APBA1: variants seen among roughly 807,000 people sequenced by gnomAD.
APBA1 encodes the protein amyloid beta precursor protein binding family A member 1, also known as amyloid-beta A4 precursor protein-binding family A member 1.
APBA1 carries 55 observed loss-of-function variants against 86.6 expected under a neutral mutation model. That is an observed-to-expected ratio of 0.64 (90% CI 0.51 to 0.80). The LOEUF is 0.80. APBA1 is among the 30% of genes least tolerant of loss of function. The pLI is 0.00. For missense variants in APBA1, 1,090 were observed against 1,183.0 expected (o/e 0.92, Z 1.15); for synonymous variants, 511 against 493.9 (o/e 1.03, Z -0.46).
chr9:69,434,564 G>A (rs529336190), intron 11 of APBA1, among the ~76,000 whole-genome samples: 68 of 152,076 alleles, frequency 4.5e-4, no homozygotes, highest in Admixed American at 3.0e-3. Context: ...AAAATTAGCC[G>A]GGCGTGGTGG....
At chr9:69,640,113 T>C (rs1823256904) in intron 1 of APBA1, among the ~76,000 whole-genome samples, 1 of 152,096 alleles carries the variant, frequency 6.6e-6, no homozygotes, top group African/African-American at 2.4e-5. Context: ...ACAGAAAAGA[T>C]TAATAAAATA....
chr9:69,592,430 T>C (rs987992425), intron 1 of APBA1, among the ~76,000 whole-genome samples: 14 of 152,134 alleles, frequency 9.2e-5, no homozygotes, highest in African/African-American at 3.1e-4. Flanking sequence ...GCGCTGTCGC[T>C]ACAAAACATT....
At chr9:69,610,528 T>C (rs1822566391) in intron 1 of APBA1, among the ~76,000 whole-genome samples, 1 of 152,200 alleles carries the variant, frequency 6.6e-6, no homozygotes, top group Non-Finnish European at 1.5e-5. Context: ...AAAATTTTTA[T>C]GGGCACTCTG....
At chr9:69,576,237 G>C (rs951020598) in intron 1 of APBA1, among the ~76,000 whole-genome samples, 1 of 152,142 alleles carries the variant, frequency 6.6e-6, no homozygotes, top group African/African-American at 2.4e-5. Context: ...TGGAGAAATA[G>C]GAACACTTTT....
intron 10 of APBA1, among the ~76,000 whole-genome samples, chr9:69,443,105 T>C (rs1831555): frequency 0.3 from 45,661 of 151,950 alleles, 7,156 homozygotes; most frequent in East Asian, 0.46. Flanking sequence ...GGCCAGCAGG[T>C]GTACACCAAT....
chr9:69,645,441 C>T (rs920476297), intron 1 of APBA1, among the ~76,000 whole-genome samples: 10 of 152,112 alleles, frequency 6.6e-5, no homozygotes, highest in African/African-American at 2.4e-4. Flanking sequence ...CTGCCTGAAC[C>T]GAGTTATGTG....
chr9:69,658,304 C>CTTTCTTTCTT lies in APBA1; in HGVS notation c.-70+13848_-70+13849insAAGAAAGAAA, dbSNP rs1554709959. Among the ~76,000 whole-genome samples, 664 of 80,012 alleles carry CTTTCTTTCTT rather than the reference C, an allele frequency of 8.3e-3. 34 individuals are homozygous for CTTTCTTTCTT. The highest frequency in any genetic ancestry group is 0.016 in the Middle Eastern group (3 of 186). The allele number at this position is 80,012 out of a possible 152,430, so 52.5% of individuals were successfully genotyped here. On this transcript the variant is annotated intron_variant, in intron 1 of 12. Coordinates refer to ENST00000265381, the MANE Select transcript of APBA1 (RefSeq NM_001163.4). Reference sequence around the variant, plus strand: ...TCTTTCTCTCTCTCTTTCTCTCTCTCTCTTTCTTTCTTTCTTTCTTTCTTT... The same window carrying CTTTCTTTCTT: ...TCTTTCTCTCTCTCTTTCTCTCTCTCTTTCTTTCTTTCTTTCTTTCTTTCTTTCTTTCTTT...
At chr9:69,667,862 C>T (rs901392312) in intron 1 of APBA1, among the ~76,000 whole-genome samples, 2 of 152,030 alleles carry the variant, frequency 1.3e-5, no homozygotes, top group African/African-American at 4.8e-5. Context: ...CTGCCACTTC[C>T]ACCTACCACA....
At chr9:69,547,655 G>T (rs1040622853) in intron 1 of APBA1, among the ~76,000 whole-genome samples, 40 of 152,220 alleles carry the variant, frequency 2.6e-4, no homozygotes, top group Non-Finnish European at 5.7e-4. Flanking sequence ...TGAGGCAATT[G>T]TATTAATTGT....
chr9:69,610,690 AT>A (rs1822569560), intron 1 of APBA1, among the ~76,000 whole-genome samples: 1 of 152,204 alleles, frequency 6.6e-6, no homozygotes, highest in Non-Finnish European at 1.5e-5. Flanking sequence ...GGCAGTCACC[AT>A]CATCTAAAAC....
At chr9:69,568,375 C>A (rs1837063765) in intron 1 of APBA1, among the ~76,000 whole-genome samples, 1 of 152,218 alleles carries the variant, frequency 6.6e-6, no homozygotes, top group Non-Finnish European at 1.5e-5. Flanking sequence ...CCTAGCCAGG[C>A]ATTCTACATT....
At chr9:69,455,278 T>C (rs530099682) in intron 8 of APBA1, among the ~76,000 whole-genome samples, 1 of 152,138 alleles carries the variant, frequency 6.6e-6, no homozygotes, top group South Asian at 2.1e-4. Context: ...ATGAGCACAG[T>C]CAAAAGCAAT....
chr9:69,533,276 G>A (rs1481836028), intron 1 of APBA1, among the ~76,000 whole-genome samples: 1 of 152,144 alleles, frequency 6.6e-6, no homozygotes, highest in Non-Finnish European at 1.5e-5. Context: ...AATGAGAACA[G>A]TAGATTGGGG....
At chr9:69,613,574 T>C (rs1317633714) in intron 1 of APBA1, among the ~76,000 whole-genome samples, 1 of 152,190 alleles carries the variant, frequency 6.6e-6, no homozygotes, top group African/African-American at 2.4e-5. Context: ...GCTGAGGTGA[T>C]AACTCTTTCA....
At chr9:69,641,322 A>G (rs182973642) in intron 1 of APBA1, among the ~76,000 whole-genome samples, 11 of 152,322 alleles carry the variant, frequency 7.2e-5, no homozygotes, top group Non-Finnish European at 1.2e-4. Flanking sequence ...TAAGGCATCA[A>G]TTATGCCCCA....
chr9:69,670,370 T>C (rs1490265819), intron 1 of APBA1, among the ~76,000 whole-genome samples: 2 of 152,180 alleles, frequency 1.3e-5, no homozygotes, highest in Non-Finnish European at 2.9e-5. Context: ...ATGTTGTATA[T>C]TTACTTGTGT....
At chr9:69,433,333 A>G (rs1340577128) in intron 11 of APBA1, among the ~76,000 whole-genome samples, 1 of 152,230 alleles carries the variant, frequency 6.6e-6, no homozygotes, top group Non-Finnish European at 1.5e-5. Context: ...ACACTACAAC[A>G]TAACTTTTCC....
chr9:69,654,605 C>A (rs1251614379), intron 1 of APBA1, among the ~76,000 whole-genome samples: 4 of 152,166 alleles, frequency 2.6e-5, no homozygotes, highest in Non-Finnish European at 5.9e-5. Flanking sequence ...ATGGCTCCAC[C>A]ACTAAATTCT....
intron 1 of APBA1, among the ~76,000 whole-genome samples, chr9:69,659,900 G>T (rs1823716820): frequency 6.6e-6 from 1 of 152,178 alleles, no homozygotes; most frequent in African/African-American, 2.4e-5. Context: ...TCAACAGAAA[G>T]CTGACTTAAT....
Sources: gnomAD v4.1 joint callset for allele counts (sites outside exome capture counted in the v4.1 genomes callset) on GRCh38, gnomAD v4.1.1 for gene constraint, MANE v1.5 for transcripts, NCBI Gene and HGNC (gene_info 2026-07-23, HGNC 2026-07-21) for gene names.